The following CACNA2D3 variants were observed in gnomAD, a reference collection of about 807,000 sequenced individuals.
The protein encoded by CACNA2D3 is voltage-dependent calcium channel subunit alpha-2/delta-3.
Under a neutral mutation model 160.6 loss-of-function variants are expected in CACNA2D3, and 60 were observed. The ratio of observed to expected loss-of-function variants is 0.37; its 90% CI spans 0.30 to 0.46. CACNA2D3 has a LOEUF of 0.46. CACNA2D3 is among the 20% of genes least tolerant of loss of function. The pLI is 1.00. For missense variants in CACNA2D3, 1,205 were observed against 1,365.0 expected (o/e 0.88, Z 1.85); for synonymous variants, 558 against 492.9 (o/e 1.13, Z -1.75).
chr3:54,417,946 C>T (rs1441322290), intron 4 of CACNA2D3, among the ~76,000 whole-genome samples: 2 of 151,978 alleles, frequency 1.3e-5, no homozygotes, highest in East Asian at 3.9e-4. Flanking sequence ...GCCACCACAC[C>T]CAGGTAATTT....
intron 27 of CACNA2D3, among the ~76,000 whole-genome samples, chr3:54,927,464 T>C (rs745901035): frequency 3.3e-5 from 5 of 152,202 alleles, no homozygotes; most frequent in Non-Finnish European, 5.9e-5. Context: ...CATTTTTAGC[T>C]GTGGGGCTCA....
At chr3:54,888,075 G>A (rs1408386137) in intron 24 of CACNA2D3, 23 bp downstream of exon 24, 8 of 1,543,846 alleles carry the variant, frequency 5.2e-6, no homozygotes, top group East Asian at 2.2e-5. Context: ...ACGTGTCCTC[G>A]TTTCATGGCC....
At chr3:54,369,898 G>T (rs961312366) in intron 3 of CACNA2D3, among the ~76,000 whole-genome samples, 2 of 152,144 alleles carry the variant, frequency 1.3e-5, no homozygotes, top group African/African-American at 4.8e-5. Flanking sequence ...TTCCTACAGT[G>T]CAGACTGCGA....
chr3:54,263,440 A>C (rs1361274242), intron 2 of CACNA2D3, among the ~76,000 whole-genome samples: 5 of 152,228 alleles, frequency 3.3e-5, no homozygotes. Flanking sequence ...ATGATTTTAC[A>C]GAAGAGGGAA....
intron 29 of CACNA2D3, among the ~76,000 whole-genome samples, chr3:54,972,003 T>TAA (rs199548650): frequency 1.3e-5 from 2 of 151,880 alleles, no homozygotes; most frequent in African/African-American, 2.4e-5. Context: ...GTTTATAAAT[T>TAA]TAAAAAAAAA....
chr3:54,717,706 T>C (rs1158055062), intron 11 of CACNA2D3, among the ~76,000 whole-genome samples: 2 of 145,282 alleles, frequency 1.4e-5, no homozygotes, highest in African/African-American at 5.1e-5. Flanking sequence ...GTGTGTGGTG[T>C]GTGCATGTGT....
At chr3:54,355,399 G>A (rs1020876547) in intron 3 of CACNA2D3, among the ~76,000 whole-genome samples, 8 of 152,228 alleles carry the variant, frequency 5.3e-5, no homozygotes, top group Non-Finnish European at 1.0e-4. Flanking sequence ...ATAAAGGCCA[G>A]TGAAGGGTCT....
intron 16 of CACNA2D3, among the ~76,000 whole-genome samples, chr3:54,839,453 AGAGC>A (rs1437830648): frequency 5.9e-5 from 9 of 152,150 alleles, no homozygotes; most frequent in Non-Finnish European, 1.2e-4. Context: ...GAGGCATCAG[AGAGC>A]AGCCCCCACC....
chr3:54,918,798 A>G, intron 27 of CACNA2D3: 1 of 1,613,946 alleles, frequency 6.2e-7, no homozygotes, highest in Non-Finnish European at 8.5e-7. Flanking sequence ...GAGCAGGAAG[A>G]GGGCAGGGCT....
At chr3:54,807,303 C>T (rs1349711359) in intron 13 of CACNA2D3, among the ~76,000 whole-genome samples, 3 of 152,162 alleles carry the variant, frequency 2.0e-5, no homozygotes, top group African/African-American at 4.8e-5. Flanking sequence ...GCAACCTTCT[C>T]ATCTAACAAA....
At chr3:54,788,813 G>A (rs1418995421) in intron 13 of CACNA2D3, among the ~76,000 whole-genome samples, 1 of 152,176 alleles carries the variant, frequency 6.6e-6, no homozygotes, top group Non-Finnish European at 1.5e-5. Context: ...AAATATTCAT[G>A]TGAAGATAAT....
chr3:54,505,659 G>A lies in CACNA2D3; in HGVS notation c.544+2005G>A, dbSNP rs544485201. On this transcript the variant is annotated intron_variant, in intron 5 of 37. Coordinates refer to ENST00000474759, the MANE Select transcript of CACNA2D3 (RefSeq NM_018398.3). Reference sequence around the variant, plus strand: ...CTTGGCATTCAATATATTCCCAACTGAAGATGAAAAATTAACATGATTTTA... The same window carrying A: ...CTTGGCATTCAATATATTCCCAACTAAAGATGAAAAATTAACATGATTTTA... 4.6e-5 allele frequency among the ~76,000 whole-genome samples: 7 copies of A among 152,260 alleles called. No homozygotes were observed. In the South Asian group the frequency reaches 1.2e-3, roughly 27 times the overall value.
intron 11 of CACNA2D3, among the ~76,000 whole-genome samples, chr3:54,683,141 C>A (rs1169036000): frequency 1.3e-5 from 2 of 152,138 alleles, no homozygotes; most frequent in Admixed American, 6.5e-5. Flanking sequence ...ACTAGAAATT[C>A]ACTTCTGAAA....
At chr3:54,879,178 C>T (rs1160773450) in intron 19 of CACNA2D3, 89 bp downstream of exon 19, 1 of 947,680 alleles carries the variant, frequency 1.1e-6, no homozygotes, top group Non-Finnish European at 1.6e-6. Flanking sequence ...GAATAAATAT[C>T]TTTCGCTGAG....
chr3:54,982,188 A>G (rs1294635120), intron 29 of CACNA2D3, among the ~76,000 whole-genome samples: 2 of 152,156 alleles, frequency 1.3e-5, no homozygotes, highest in South Asian at 2.1e-4. Flanking sequence ...TCCAAAGAGA[A>G]TAGTAGTTAA....
At chr3:54,721,853 C>T (rs1296248044) in intron 11 of CACNA2D3, among the ~76,000 whole-genome samples, 2 of 151,384 alleles carry the variant, frequency 1.3e-5, no homozygotes, top group Admixed American at 1.3e-4. Flanking sequence ...TTTTTTCCTT[C>T]ATTTCAACCT....
intron 27 of CACNA2D3, among the ~76,000 whole-genome samples, chr3:54,957,523 A>C (rs924836050): frequency 6.6e-6 from 1 of 152,216 alleles, no homozygotes; most frequent in Non-Finnish European, 1.5e-5. Context: ...AATATGTTTC[A>C]TTAAATAATT....
At position 54,737,072 on chromosome 3, in the gene CACNA2D3, A is replaced by G. The variant is rs541306180; in HGVS notation, c.1168-15527A>G. 2.5e-4 allele frequency among the ~76,000 whole-genome samples: 38 copies of G among 152,284 alleles called. 1 individual carries two copies. In the South Asian group the frequency reaches 6.8e-3, roughly 27 times the overall value. On this transcript the variant is annotated intron_variant, in intron 11 of 37. Transcript: ENST00000474759. ...GATTATCCCCACTTAGCTTAATTGT[A>G]TGCAATAACCTTATTCATTTTTGGG...
chr3:54,752,156 C>T (rs1575457540), intron 11 of CACNA2D3, among the ~76,000 whole-genome samples: 1 of 152,182 alleles, frequency 6.6e-6, no homozygotes, highest in African/African-American at 2.4e-5. Context: ...AGAGTGTCTG[C>T]AGCCTGTCCT....
Sources: allele counts gnomAD v4.1 joint callset (sites outside exome capture counted in the v4.1 genomes callset), GRCh38; gene constraint gnomAD v4.1.1; transcripts MANE v1.5; gene names NCBI Gene and HGNC (gene_info 2026-07-23, HGNC 2026-07-21).